EIF4G3: variants seen among roughly 807,000 people sequenced by gnomAD.
The protein encoded by EIF4G3 is eIF-4-gamma 3.
EIF4G3 carries 34 observed loss-of-function variants against 186.4 expected under a neutral mutation model. That is an observed-to-expected ratio of 0.18 (90% CI 0.14 to 0.24). The LOEUF (loss-of-function observed/expected upper bound fraction) is 0.24, where lower values mean the gene tolerates loss of function less well. Ranked by LOEUF, EIF4G3 falls within the 10% of genes least tolerant of loss-of-function variation. EIF4G3 has a pLI of 1.00. For synonymous variants in EIF4G3, 673 were observed against 679.5 expected, an observed-to-expected ratio of 0.99 and a Z score of 0.15; for missense variants, 1,536 against 1,948.5, an observed-to-expected ratio of 0.79 and a Z score of 3.99.
intron 19 of EIF4G3, among the ~76,000 whole-genome samples, chr1:20,883,433 A>G (rs2083066084): frequency 6.6e-6 from 1 of 152,076 alleles, no homozygotes; most frequent in South Asian, 2.1e-4. Flanking sequence ...CCTGGCTTAC[A>G]CGGTGAAACC....
At chr1:21,028,967 AC>A (rs1481369700) in intron 4 of EIF4G3, among the ~76,000 whole-genome samples, 1 of 152,124 alleles carries the variant, frequency 6.6e-6, no homozygotes, top group Admixed American at 6.5e-5. Context: ...GTAACCTCTC[AC>A]TCCTGGATGC....
intron 6 of EIF4G3, among the ~76,000 whole-genome samples, chr1:21,000,172 C>T (rs974838415): frequency 3.4e-5 from 5 of 148,054 alleles, no homozygotes; most frequent in Middle Eastern, 3.5e-3. Flanking sequence ...TCCAGTAAAA[C>T]GAGAAAATGG....
intron 4 of EIF4G3, among the ~76,000 whole-genome samples, chr1:21,016,004 T>C (rs1337792943): frequency 1.3e-5 from 2 of 152,164 alleles, no homozygotes; most frequent in African/African-American, 2.4e-5. Flanking sequence ...GATAAATACA[T>C]GGACAAATAT....
intron 24 of EIF4G3, among the ~76,000 whole-genome samples, chr1:20,859,753 C>A (rs547370707): frequency 6.6e-6 from 1 of 152,310 alleles, no homozygotes; most frequent in South Asian, 2.1e-4. Context: ...GCACACATCA[C>A]TATGTCCAGC....
chr1:20,998,286 A>G (rs2082738675), intron 6 of EIF4G3, among the ~76,000 whole-genome samples: 1 of 151,984 alleles, frequency 6.6e-6, no homozygotes, highest in African/African-American at 2.4e-5. Flanking sequence ...ATATAATTTA[A>G]TACAAGGCAT....
Position 20,949,899 on chromosome 1 carries a change from A to G in EIF4G3, c.823+104T>C, listed in dbSNP as rs987867918. On this transcript the variant is annotated intron_variant, in intron 13 of 36. Transcript: ENST00000602326. Reference sequence around the variant, plus strand: ...AAGCTTTGTTTAAAGGTGGGTGTCTAAATAATCCTTGGATGCTGTACTCTT... The same window carrying G: ...AAGCTTTGTTTAAAGGTGGGTGTCTGAATAATCCTTGGATGCTGTACTCTT... 5 of 988,946 alleles carry G rather than the reference A, an allele frequency of 5.1e-6. No homozygotes were observed. The South Asian group carries it at 7.1e-5, about 14-fold the overall frequency. The allele number at this position is 988,946 out of a possible 1,614,324, so 61.3% of individuals were successfully genotyped here.
chr1:21,130,352 G>A (rs2097131505), intron 2 of EIF4G3, among the ~76,000 whole-genome samples: 1 of 150,700 alleles, frequency 6.6e-6, no homozygotes, highest in Non-Finnish European at 1.5e-5. Flanking sequence ...AGTCTCCCGA[G>A]TGGTTGGGAT....
chr1:21,054,453 C>G (rs2094468172), intron 3 of EIF4G3, among the ~76,000 whole-genome samples: 5 of 148,134 alleles, frequency 3.4e-5, no homozygotes, highest in Admixed American at 3.4e-4. Context: ...GAGAAACACC[C>G]AAGAATGATC....
chr1:20,851,249 GTC>G lies in EIF4G3; in HGVS notation c.3772+7_3772+8del, dbSNP rs2073196480. On this transcript the variant is annotated splice_region_variant and intron_variant, in intron 28 of 36. Transcript: ENST00000602326. ...CCAAATCTGCATCTGTTTAAGCCAA[GTC>G]TCTCACCTGACTCCCTTGTTTTATT... is the stretch of plus-strand genomic sequence containing the variant. The G allele has an allele frequency of 6.2e-7, 1 of 1,613,494 alleles. No individual in the cohort carries two copies. The highest frequency in any genetic ancestry group is 1.7e-5 in the Admixed American group (1 of 60,006).
chr1:20,870,388 C>T (rs2078874747), intron 20 of EIF4G3, among the ~76,000 whole-genome samples: 2 of 152,044 alleles, frequency 1.3e-5, no homozygotes, highest in Admixed American at 1.3e-4. Flanking sequence ...GTATGTATGT[C>T]TCCCACAGCA....
Position 20,817,554 on chromosome 1 carries a change from T to C in EIF4G3, c.4369-16A>G. 3.3e-6 allele frequency: 5 copies of C among 1,532,350 alleles called. No homozygotes were observed. The highest frequency in any genetic ancestry group is 4.4e-6 in the Non-Finnish European group (5 of 1,132,998). The allele number at this position is 1,532,350 out of a possible 1,614,324, so 94.9% of individuals were successfully genotyped here. On this transcript the variant is annotated splice_polypyrimidine_tract_variant and intron_variant, in intron 33 of 36. Transcript: ENST00000602326. Reference sequence around the variant, plus strand: ...AGTCCAACTTCTGAAACATAAAAGGTGGAACATATTAATATATTAATATAA... The same window carrying C: ...AGTCCAACTTCTGAAACATAAAAGGCGGAACATATTAATATATTAATATAA...
intron 24 of EIF4G3, among the ~76,000 whole-genome samples, chr1:20,859,666 C>T (rs1468034561): frequency 2.0e-5 from 3 of 152,212 alleles, no homozygotes; most frequent in South Asian, 2.1e-4. Context: ...GTGGCGCGAT[C>T]GCGGCTCACC....
At chr1:20,968,397 C>T (rs1401206480) in intron 12 of EIF4G3, among the ~76,000 whole-genome samples, 1 of 152,102 alleles carries the variant, frequency 6.6e-6, no homozygotes, top group African/African-American at 2.4e-5. Context: ...CTAGATTGGT[C>T]TCGAACTCCA....
Position 21,108,008 on chromosome 1 carries a change from C to T in EIF4G3, c.-271-18795G>A, listed in dbSNP as rs149924494. Among the ~76,000 whole-genome samples, 14 of 152,276 alleles carry T rather than the reference C, an allele frequency of 9.2e-5. No homozygotes were observed. The East Asian group carries it at 1.9e-3, about 21-fold the overall frequency. Reference sequence around the variant, plus strand: ...ACAAATAATAACAAAATTAGCCAGGCGCAGTGGCGCACACCTGTAGTCCCA... The same window carrying T: ...ACAAATAATAACAAAATTAGCCAGGTGCAGTGGCGCACACCTGTAGTCCCA... On this transcript the variant is annotated intron_variant, in intron 2 of 36. Transcript: ENST00000602326.
At chr1:21,119,982 C>T (rs972761265) in intron 2 of EIF4G3, among the ~76,000 whole-genome samples, 41 of 151,656 alleles carry the variant, frequency 2.7e-4, no homozygotes, top group African/African-American at 9.7e-4. Flanking sequence ...AATAAAATTT[C>T]TAAAATATGG....
In EIF4G3 at chr1:20,927,802, C is replaced by A. The variant is rs115631175; in HGVS notation, c.1663+13689G>T. 4.0e-3 allele frequency among the ~76,000 whole-genome samples: 604 copies of A among 152,304 alleles called. 4 individuals are homozygous for A. Among genetic ancestry groups the A allele is most frequent in the Non-Finnish European group, 6.6e-3 (447 of 68,016 alleles). On this transcript the variant is annotated intron_variant, in intron 14 of 36. Transcript: ENST00000602326. ...GAACCACTCTGCTTTGCCGGCCCAACTGGATATTTCATATCTGTGACATCG... is the reference window on the plus strand; with the variant it reads ...GAACCACTCTGCTTTGCCGGCCCAAATGGATATTTCATATCTGTGACATCG...
At chr1:21,052,424 T>C (rs2094276263) in intron 3 of EIF4G3, among the ~76,000 whole-genome samples, 1 of 152,214 alleles carries the variant, frequency 6.6e-6, no homozygotes, top group Non-Finnish European at 1.5e-5. Context: ...CAATCTAGCA[T>C]AAAATACAGA....
At chr1:21,010,866 G>A (rs2086840953) in intron 4 of EIF4G3, among the ~76,000 whole-genome samples, 1 of 152,288 alleles carries the variant, frequency 6.6e-6, no homozygotes, top group African/African-American at 2.4e-5. Context: ...ACAGTCTTAA[G>A]CATAGCACTT....
chr1:20,905,379 G>C (rs2091769655), intron 14 of EIF4G3, among the ~76,000 whole-genome samples: 1 of 152,158 alleles, frequency 6.6e-6, no homozygotes, highest in Admixed American at 6.5e-5. Context: ...ATAAGAGTGA[G>C]ACTAGATATC....
Sources: allele counts gnomAD v4.1 joint callset (sites outside exome capture counted in the v4.1 genomes callset), GRCh38; gene constraint gnomAD v4.1.1; transcripts MANE v1.5; gene names NCBI Gene and HGNC (gene_info 2026-07-23, HGNC 2026-07-21).